Variants in AQP7B observed in about 807,000 individuals in gnomAD.
AQP7B encodes the protein putative aquaporin-7B.
chr2:94,602,896 C>A, the AQP7B span: 9 of 1,046,986 alleles, frequency 8.6e-6, no homozygotes, highest in African/African-American at 3.2e-5. Context: ...CCCTGCCTCA[C>A]GGGGTGGTTG....
chr2:94,589,907 A>G, the AQP7B span, among the ~76,000 whole-genome samples: 1 of 151,990 alleles, frequency 6.6e-6, no homozygotes, highest in East Asian at 1.9e-4. Flanking sequence ...CCAGTCACCA[A>G]TCTCCTAAAA....
At chr2:94,588,049 G>T in the AQP7B span, among the ~76,000 whole-genome samples, 2 of 152,008 alleles carry the variant, frequency 1.3e-5, no homozygotes, top group Non-Finnish European at 2.9e-5. Context: ...GCCTCATCCT[G>T]TGTGTTCACC....
At chr2:94,603,466 G>A in the AQP7B span, 1 of 1,611,828 alleles carries the variant, frequency 6.2e-7, no homozygotes, top group East Asian at 2.2e-5. Flanking sequence ...CTACCTTCCT[G>A]ATCACATGAC....
At chr2:94,604,322 G>A in the AQP7B span, 4 of 1,609,296 alleles carry the variant, frequency 2.5e-6, no homozygotes, top group East Asian at 2.2e-5. Context: ...GCCAGTGGTG[G>A]CACCACTTCT....
the AQP7B span, among the ~76,000 whole-genome samples, chr2:94,594,080 C>A: frequency 1.3e-5 from 2 of 152,182 alleles, no homozygotes; most frequent in African/African-American, 4.8e-5. Context: ...GGAAGTAGAT[C>A]CAGTCCTTCC....
At chr2:94,602,538 A>T in the AQP7B span, 5 of 1,604,110 alleles carry the variant, frequency 3.1e-6, no homozygotes, top group Admixed American at 5.0e-5. Context: ...AATAAAACAT[A>T]TGGGAGCTAC....
chr2:94,595,222 G>T, the AQP7B span, among the ~76,000 whole-genome samples: 3 of 152,068 alleles, frequency 2.0e-5, no homozygotes, highest in Non-Finnish European at 4.4e-5. Flanking sequence ...ATCACCTGAA[G>T]TCAGGAGTTC....
At chr2:94,599,458 A>C in the AQP7B span, among the ~76,000 whole-genome samples, 1 of 151,722 alleles carries the variant, frequency 6.6e-6, no homozygotes, top group African/African-American at 2.4e-5. Flanking sequence ...TTTTTTTTAA[A>C]TCAGCAAATG....
the AQP7B span, among the ~76,000 whole-genome samples, chr2:94,593,330 C>A: frequency 6.6e-6 from 1 of 151,618 alleles, no homozygotes; most frequent in Non-Finnish European, 1.5e-5. Flanking sequence ...CTGGCATGTG[C>A]AAAGGCCTGC....
the AQP7B span, among the ~76,000 whole-genome samples, chr2:94,596,244 A>C: frequency 6.6e-6 from 1 of 152,272 alleles, no homozygotes; most frequent in Non-Finnish European, 1.5e-5. Flanking sequence ...GACAGTATCC[A>C]GACTGCAGGC....
the AQP7B span, chr2:94,603,287 T>C: frequency 4.9e-6 from 7 of 1,431,148 alleles, no homozygotes; most frequent in Admixed American, 8.1e-5. Context: ...AAAAAAGCCT[T>C]GGAGCTCCCC....
the AQP7B span, among the ~76,000 whole-genome samples, chr2:94,598,142 G>A: frequency 4.6e-5 from 7 of 152,158 alleles, no homozygotes. Flanking sequence ...AACTTTGTGA[G>A]GTGTAAGCCT....
At chr2:94,591,237 T>A in the AQP7B span, among the ~76,000 whole-genome samples, 1 of 151,992 alleles carries the variant, frequency 6.6e-6, no homozygotes, top group African/African-American at 2.4e-5. Flanking sequence ...CCCACCCAAG[T>A]GTCTAGCGGG....
chr2:94,596,898 C>T, the AQP7B span, among the ~76,000 whole-genome samples: 1 of 152,296 alleles, frequency 6.6e-6, no homozygotes, highest in East Asian at 1.9e-4. Flanking sequence ...TGGGGTTTCA[C>T]CGTGTTGGCC....
chr2:94,594,499 C>A, the AQP7B span, among the ~76,000 whole-genome samples: 4 of 152,210 alleles, frequency 2.6e-5, no homozygotes, highest in Admixed American at 2.6e-4. Flanking sequence ...CATTGGTGTG[C>A]CATTTTTACT....
chr2:94,601,440 G>T, the AQP7B span, among the ~76,000 whole-genome samples: 1 of 152,202 alleles, frequency 6.6e-6, no homozygotes, highest in Non-Finnish European at 1.5e-5. Context: ...CAGAGGTGAC[G>T]GGAATTTTAG....
the AQP7B span, among the ~76,000 whole-genome samples, chr2:94,592,696 C>A: frequency 3.3e-5 from 5 of 151,766 alleles, no homozygotes; most frequent in Non-Finnish European, 5.9e-5. Flanking sequence ...CAGGCAACAA[C>A]CAGCCAAGGA....
the AQP7B span, among the ~76,000 whole-genome samples, chr2:94,590,877 C>G: frequency 7.4e-6 from 1 of 135,370 alleles, no homozygotes; most frequent in South Asian, 2.4e-4. Context: ...CCTGGGAAGT[C>G]TAGGCTTCAG....
At chr2:94,598,215 T>G in the AQP7B span, among the ~76,000 whole-genome samples, 1 of 152,180 alleles carries the variant, frequency 6.6e-6, no homozygotes, top group Non-Finnish European at 1.5e-5. Context: ...TGAGGGCTTT[T>G]TTTTAAAAAT....
Sources: allele counts gnomAD v4.1 joint callset (sites outside exome capture counted in the v4.1 genomes callset), GRCh38; gene constraint gnomAD v4.1.1; transcripts MANE v1.5; gene names NCBI Gene and HGNC (gene_info 2026-07-23, HGNC 2026-07-21).